Variants in RYR3 observed in about 807,000 individuals in gnomAD.
RYR3 encodes brain ryanodine receptor-calcium release channel.
Under a neutral mutation model 584.3 loss-of-function variants are expected in RYR3, and 207 were observed. That is an observed-to-expected ratio of 0.35 (90% CI 0.32 to 0.40). The LOEUF (loss-of-function observed/expected upper bound fraction) is 0.40, where lower values mean the gene tolerates loss of function less well. Among genes scored for constraint, RYR3 ranks in the 10% least tolerant of loss-of-function variants. The pLI is 1.00. For missense variants in RYR3, 5,616 were observed against 6,089.2 expected (o/e 0.92, Z 2.59); for synonymous variants, 2,416 against 2,248.5 (o/e 1.07, Z -2.11).
At chr15:33,589,248 T>G (rs1354641710) in intron 16 of RYR3, among the ~76,000 whole-genome samples, 1 of 152,236 alleles carries the variant, frequency 6.6e-6, no homozygotes, top group Non-Finnish European at 1.5e-5. Context: ...TGTTGGCCAT[T>G]CGTGTGTCTT....
rs1474260905 is a variant in RYR3 at position 33,819,254 on chromosome 15, C to T, written c.10707-502C>T. 1.1e-4 allele frequency among the ~76,000 whole-genome samples: 16 copies of T among 152,238 alleles called. 1 individual carries two copies. The highest frequency in any genetic ancestry group is 1.0e-3 in the Admixed American group (16 of 15,288). On this transcript the variant is annotated intron_variant, in intron 76 of 103. Transcript: ENST00000634891. The stretch of plus-strand genomic sequence containing the variant: ...CTCTGAATTCCATGTTAAGCCCCTG[C>T]TGGTTCACATTTTCAGAGTGGTTTC...
At chr15:33,502,776 G>C (rs2052108699) in intron 2 of RYR3, among the ~76,000 whole-genome samples, 1 of 152,178 alleles carries the variant, frequency 6.6e-6, no homozygotes, top group African/African-American at 2.4e-5. Flanking sequence ...ATTTGTATCT[G>C]ACTCAGCCAA....
Position 33,596,346 on chromosome 15 carries a change from C to T in RYR3, c.1789-5073C>T, listed in dbSNP as rs571277438. On this transcript the variant is annotated intron_variant, in intron 16 of 103. Transcript: ENST00000634891. ...CCAGTTTGTCTACAAATATTTGTGC[C>T]ATTACATTTACCTAATTGTTTTGTT... Among the ~76,000 whole-genome samples the T allele has an allele frequency of 2.5e-4, 38 of 151,898 alleles. 1 individual carries two copies. The South Asian group carries it at 7.9e-3, about 32-fold the overall frequency.
chr15:33,674,484 T>C (rs1218827583), intron 38 of RYR3, among the ~76,000 whole-genome samples: 3 of 152,208 alleles, frequency 2.0e-5, no homozygotes, highest in Non-Finnish European at 4.4e-5. Context: ...TGTGTTTGTT[T>C]TCCTCACCAG....
At chr15:33,468,693 T>A (rs1173465239) in intron 1 of RYR3, among the ~76,000 whole-genome samples, 3 of 152,160 alleles carry the variant, frequency 2.0e-5, no homozygotes, top group African/African-American at 7.2e-5. Flanking sequence ...TTAAATAGGG[T>A]TGCAGTGTAA....
At chr15:33,570,180 G>T (rs1048070120) in intron 12 of RYR3, among the ~76,000 whole-genome samples, 2 of 151,876 alleles carry the variant, frequency 1.3e-5, no homozygotes, top group Non-Finnish European at 2.9e-5. Context: ...TCTCCTCTGT[G>T]TTTTTCTAAA....
At chr15:33,814,899 T>TAAAAAA (rs1225736948) in intron 74 of RYR3, among the ~76,000 whole-genome samples, 1 of 29,874 alleles carries the variant, frequency 3.3e-5, no homozygotes, top group Non-Finnish European at 5.7e-5. Flanking sequence ...AGACTCTGTC[T>TAAAAAA]CAAAAAAAAA....
chr15:33,820,631 CA>C (rs2077055086), intron 77 of RYR3, 124 bp from the exon 78 acceptor site: 1 of 742,354 alleles, frequency 1.3e-6, no homozygotes, highest in African/African-American at 1.8e-5. Context: ...TGGCTTTACA[CA>C]ACGCTGAGGT....
In RYR3 at chr15:33,410,982, C is replaced by T. The variant is rs139256409; in HGVS notation, c.52-62437C>T. On this transcript the variant is annotated intron_variant, in intron 1 of 103. Coordinates refer to ENST00000634891, the MANE Select transcript of RYR3 (RefSeq NM_001036.6). ...AAGATCTCGTGAGGCTTATTCACTG[C>T]CATGAGAACAGTATGGGGGAAACTG... Among the ~76,000 whole-genome samples, 522 of 152,260 alleles carry T rather than the reference C, an allele frequency of 3.4e-3. 3 individuals are homozygous for T. The highest frequency in any genetic ancestry group is 7.9e-3 in the East Asian group (41 of 5,186).
At chr15:33,725,843 G>A (rs1167043500) in intron 45 of RYR3, among the ~76,000 whole-genome samples, 10 of 150,602 alleles carry the variant, frequency 6.6e-5, no homozygotes, top group Non-Finnish European at 8.9e-5. Flanking sequence ...GGTGGCGGGC[G>A]CCTGTAGTCC....
intron 74 of RYR3, among the ~76,000 whole-genome samples, chr15:33,814,518 G>C (rs1168705804): frequency 1.3e-5 from 2 of 152,114 alleles, no homozygotes; most frequent in African/African-American, 4.8e-5. Flanking sequence ...TGTGGATCTT[G>C]GCCATCATTT....
In RYR3 at chr15:33,821,528, A is replaced by G. The variant is rs146201205; in HGVS notation, c.10921A>G (p.Met3641Val). The G allele has an allele frequency of 1.3e-3, 2,041 of 1,613,960 alleles. 6 individuals carry two copies. The highest frequency in any genetic ancestry group is 3.3e-3 in the Middle Eastern group (20 of 6,062). Residue 3641 changes from methionine to valine, a missense_variant, in exon 80 of 104, where the codon ATG becomes GTG. Transcript: ENST00000634891. ...LQMISASKGE[M>V]SPMVVETLKL... is the part of the protein sequence containing the mutation. ...TCGAATCTTCACCATGGCAGGTGAG[A>G]TGAGCCCCATGGTGGTTGAGACGCT...
rs568255255 is a variant in RYR3 at position 33,552,874 on chromosome 15, C to T, written c.972+2558C>T. Among the ~76,000 whole-genome samples, 41 of 152,280 alleles carry T rather than the reference C, an allele frequency of 2.7e-4. 1 individual carries two copies. The South Asian group carries it at 7.7e-3, about 28-fold the overall frequency. On this transcript the variant is annotated intron_variant, in intron 10 of 103. Coordinates refer to ENST00000634891, the MANE Select transcript of RYR3 (RefSeq NM_001036.6). ...AAGCATATTCTTGCCTTGCTTGGCA[C>T]GGGCTTTCCTTAAATGCATTCTCTG... is the stretch of plus-strand genomic sequence containing the variant.
At position 33,859,306 on chromosome 15, in the gene RYR3, T is replaced by C. The variant is rs1390940574; in HGVS notation, c.14143-269T>C. ...GGCCATACTCATCAAGGCTTAAAGATCTTTTAACTTATATACACCTTTAAT... is the reference window on the plus strand; with the variant it reads ...GGCCATACTCATCAAGGCTTAAAGACCTTTTAACTTATATACACCTTTAAT... On this transcript the variant is annotated intron_variant, in intron 99 of 103. Transcript: ENST00000634891. Among the ~76,000 whole-genome samples, 3 of 152,258 alleles carry C rather than the reference T, an allele frequency of 2.0e-5. No homozygotes were observed. The East Asian group carries it at 5.8e-4, about 29-fold the overall frequency.
chr15:33,694,547 A>AT (rs34090098), intron 38 of RYR3, among the ~76,000 whole-genome samples: 64,212 of 151,860 alleles, frequency 0.42, 15,869 homozygotes, highest in East Asian at 0.63. Flanking sequence ...CCTGGCCTAG[A>AT]TTTTTTTGAA....
intron 29 of RYR3, among the ~76,000 whole-genome samples, chr15:33,646,971 C>T (rs1024595839): frequency 1.3e-5 from 2 of 152,228 alleles, no homozygotes; most frequent in African/African-American, 4.8e-5. Flanking sequence ...TTCTTTCTTC[C>T]TGATCAGTAA....
rs965231166 is a variant in RYR3 at position 33,628,368 on chromosome 15, C to A, written c.2575-103C>A. On this transcript the variant is annotated intron_variant, in intron 20 of 103. Transcript: ENST00000634891. ...CAGCATGAGGTCGGATACTGCAGCT[C>A]CTCCTGGGTGATGTGCCAATTCAAG... is the stretch of plus-strand genomic sequence containing the variant. The A allele has an allele frequency of 1.9e-5, 14 of 733,502 alleles. No individual in the cohort carries two copies. In the African/African-American group the frequency reaches 1.9e-4, roughly 10 times the overall value. The allele number at this position is 733,502 out of a possible 1,614,324, so 45.4% of individuals were successfully genotyped here. A position where few individuals can be genotyped will look rare whatever the true frequency, so the allele number is the denominator to read the frequency against.
chr15:33,734,194 A>AT (rs1354725809), intron 48 of RYR3, among the ~76,000 whole-genome samples: 1 of 152,200 alleles, frequency 6.6e-6, no homozygotes, highest in Non-Finnish European at 1.5e-5. Flanking sequence ...AACCAGGCCT[A>AT]ATATTATGTT....
chr15:33,401,309 T>G (rs1399951083), intron 1 of RYR3, among the ~76,000 whole-genome samples: 2 of 152,192 alleles, frequency 1.3e-5, no homozygotes, highest in East Asian at 3.8e-4. Flanking sequence ...ATTTAAAAAA[T>G]TATTAATTTT....
Sources: gnomAD v4.1 joint callset for allele counts (sites outside exome capture counted in the v4.1 genomes callset) on GRCh38, gnomAD v4.1.1 for gene constraint, MANE v1.5 for transcripts, NCBI Gene and HGNC (gene_info 2026-07-23, HGNC 2026-07-21) for gene names.